The following CCSER1 variants were observed in gnomAD, a reference collection of about 807,000 sequenced individuals.
CCSER1 encodes the protein serine-rich coiled-coil domain-containing protein 1.
Under a neutral mutation model 82.0 loss-of-function variants are expected in CCSER1, and 41 were observed. The observed-to-expected ratio is 0.50, with a 90% CI of 0.39 to 0.65. The LOEUF (loss-of-function observed/expected upper bound fraction) is 0.65, where lower values mean the gene tolerates loss of function less well. CCSER1 is among the 30% of genes least tolerant of loss of function. The probability of loss-of-function intolerance (pLI) is 0.00; values close to 1 mark genes in which losing one functional copy is unlikely to be tolerated. For synonymous variants in CCSER1, 414 were observed against 383.9 expected, an observed-to-expected ratio of 1.08 and a Z score of -0.92; for missense variants, 1,119 against 1,064.2, an observed-to-expected ratio of 1.05 and a Z score of -0.72.
chr4:90,578,255 G>A (rs1560751363), intron 5 of CCSER1, among the ~76,000 whole-genome samples: 1 of 151,934 alleles, frequency 6.6e-6, no homozygotes, highest in Non-Finnish European at 1.5e-5. Context: ...TCTTTTATAG[G>A]TCAGAATTTT....
chr4:90,848,272 A>G (rs557654178), intron 8 of CCSER1, among the ~76,000 whole-genome samples: 62 of 152,348 alleles, frequency 4.1e-4, no homozygotes, highest in African/African-American at 1.2e-3. Flanking sequence ...TGGAAAAACC[A>G]TCAATTCCAT....
chr4:90,608,462 A>G (rs1785022999), intron 5 of CCSER1, among the ~76,000 whole-genome samples: 1 of 152,208 alleles, frequency 6.6e-6, no homozygotes, highest in Non-Finnish European at 1.5e-5. Context: ...ACAACCAATT[A>G]TCAAGCTAAG....
At chr4:90,742,390 A>G (rs1186299618) in intron 7 of CCSER1, among the ~76,000 whole-genome samples, 1 of 152,162 alleles carries the variant, frequency 6.6e-6, no homozygotes, top group Non-Finnish European at 1.5e-5. Context: ...TGAGATTTTT[A>G]CCTCCAATGT....
At chr4:91,522,501 A>G (rs1483207225) in intron 10 of CCSER1, among the ~76,000 whole-genome samples, 1 of 152,188 alleles carries the variant, frequency 6.6e-6, no homozygotes, top group African/African-American at 2.4e-5. Context: ...CTTCCTATCC[A>G]TGAGCATGGA....
At chr4:91,525,054 A>C (rs1359297309) in intron 10 of CCSER1, among the ~76,000 whole-genome samples, 1 of 152,122 alleles carries the variant, frequency 6.6e-6, no homozygotes, top group African/African-American at 2.4e-5. Flanking sequence ...GAATTTTAAA[A>C]ATGGTCTGTG....
rs553118637 is a variant in CCSER1, at chr4:91,165,671, G to A, written c.2217+79677G>A. Reference sequence around the variant, plus strand: ...CCTCCCCCTGCCAGGCTGCTGCCTCGCAAGTCAATCTCAGACTGCTGCGCT... The same window carrying A: ...CCTCCCCCTGCCAGGCTGCTGCCTCACAAGTCAATCTCAGACTGCTGCGCT... On this transcript the variant is annotated intron_variant, in intron 10 of 10. Transcript: ENST00000509176. 1.4e-4 allele frequency among the ~76,000 whole-genome samples: 22 copies of A among 152,306 alleles called. No homozygotes were observed. In the South Asian group the frequency reaches 2.1e-3, roughly 14 times the overall value.
At chr4:90,281,671 T>C (rs1232029535) in intron 1 of CCSER1, among the ~76,000 whole-genome samples, 3 of 152,052 alleles carry the variant, frequency 2.0e-5, no homozygotes, top group Non-Finnish European at 4.4e-5. Context: ...ATTACTGCCA[T>C]TCTCAAGTCT....
At chr4:90,666,802 T>C (rs1311029775) in intron 6 of CCSER1, among the ~76,000 whole-genome samples, 1 of 152,018 alleles carries the variant, frequency 6.6e-6, no homozygotes, top group Non-Finnish European at 1.5e-5. Context: ...AAGAGTAAAG[T>C]AGAAAATTTT....
chr4:90,719,786 CT>C (rs1469582072), intron 6 of CCSER1, among the ~76,000 whole-genome samples: 8 of 152,258 alleles, frequency 5.3e-5, no homozygotes, highest in African/African-American at 1.9e-4. Context: ...GTAGTGTGTG[CT>C]GGGTTTCTCC....
chr4:90,329,048 A>G (rs181121373), intron 3 of CCSER1, among the ~76,000 whole-genome samples: 107 of 152,346 alleles, frequency 7.0e-4, no homozygotes, highest in African/African-American at 2.0e-3. Context: ...TGCTGTAAGA[A>G]TATGCACTTG....
At chr4:90,789,383 T>G (rs1323784665) in intron 7 of CCSER1, among the ~76,000 whole-genome samples, 2 of 152,188 alleles carry the variant, frequency 1.3e-5, no homozygotes, top group African/African-American at 4.8e-5. Context: ...ACAATCACTT[T>G]TTTGTTTTTC....
intron 6 of CCSER1, among the ~76,000 whole-genome samples, chr4:90,719,150 C>A (rs564860403): frequency 1.3e-5 from 2 of 152,228 alleles, no homozygotes; most frequent in African/African-American, 4.8e-5. Context: ...AGCTGCTCCG[C>A]ATCATTGCCA....
chr4:90,836,182 A>C (rs1477648239), intron 8 of CCSER1, among the ~76,000 whole-genome samples: 1 of 152,198 alleles, frequency 6.6e-6, no homozygotes, highest in South Asian at 2.1e-4. Flanking sequence ...GTCCATCCAC[A>C]TCCATGCCCC....
chr4:91,288,167 C>A (rs963406203), intron 10 of CCSER1, among the ~76,000 whole-genome samples: 27 of 121,508 alleles, frequency 2.2e-4, no homozygotes, highest in African/African-American at 8.2e-4. Context: ...TATATACATA[C>A]ACACACACAT....
At chr4:90,509,377 G>C (rs1771159983) in intron 5 of CCSER1, among the ~76,000 whole-genome samples, 1 of 152,070 alleles carries the variant, frequency 6.6e-6, no homozygotes, top group Non-Finnish European at 1.5e-5. Flanking sequence ...TAATAAGAGT[G>C]ATGCATTGTT....
chr4:91,471,969 C>CAAAAAAAAAA (rs11313305), intron 10 of CCSER1, among the ~76,000 whole-genome samples: 1 of 88,136 alleles, frequency 1.1e-5, no homozygotes, highest in African/African-American at 4.1e-5. Context: ...CACTCCATCT[C>CAAAAAAAAAA]AAAAAAAAAA....
At chr4:90,403,586 TAAA>T (rs1753259945) in intron 4 of CCSER1, among the ~76,000 whole-genome samples, 2 of 151,576 alleles carry the variant, frequency 1.3e-5, no homozygotes, top group African/African-American at 4.8e-5. Context: ...ATCACAGCAT[TAAA>T]CATTCAAAAA....
At chr4:90,363,936 T>TA (rs1190803072) in intron 3 of CCSER1, among the ~76,000 whole-genome samples, 1 of 152,064 alleles carries the variant, frequency 6.6e-6, no homozygotes, top group Non-Finnish European at 1.5e-5. Flanking sequence ...TGGTATCCCA[T>TA]AAAAAATGTT....
chr4:90,462,073 T>C (rs1268372506), intron 4 of CCSER1, among the ~76,000 whole-genome samples: 1 of 148,798 alleles, frequency 6.7e-6, no homozygotes, highest in African/African-American at 2.6e-5. Flanking sequence ...TTCTTTCAAT[T>C]CTGGATTAAT....
Sources: gnomAD v4.1 joint callset for allele counts (sites outside exome capture counted in the v4.1 genomes callset) on GRCh38, gnomAD v4.1.1 for gene constraint, MANE v1.5 for transcripts, NCBI Gene and HGNC (gene_info 2026-07-23, HGNC 2026-07-21) for gene names.